The following RNF182 variants were observed in gnomAD, a reference collection of about 807,000 sequenced individuals.
The protein encoded by RNF182 is E3 ubiquitin-protein ligase RNF182.
In RNF182, 15 loss-of-function variants were observed where a neutral mutation model predicts 14.4. The observed-to-expected ratio is 1.04, with a 90% CI of 0.70 to 1.60. The LOEUF is 1.60. RNF182 is among the 40% of genes most tolerant of loss of function. The pLI is 0.00. For synonymous variants in RNF182, 128 were observed against 122.9 expected, an observed-to-expected ratio of 1.04 and a Z score of -0.27; for missense variants, 268 against 294.8, an observed-to-expected ratio of 0.91 and a Z score of 0.67.
intron 1 of RNF182, among the ~76,000 whole-genome samples, chr6:13,952,121 A>AAAGGG (rs1250451529): frequency 5.9e-5 from 9 of 152,208 alleles, no homozygotes; most frequent in African/African-American, 2.2e-4. Flanking sequence ...GAGAGAGAGG[A>AAAGGG]AAGGGAAGGG....
Position 13,950,498 on chromosome 6 carries a change from C to CTTTTTTTTTTTTT in RNF182, c.-366-23705_-366-23693dup. Among the ~76,000 whole-genome samples, 2 of 121,934 alleles carry CTTTTTTTTTTTTT rather than the reference C, an allele frequency of 1.6e-5. 1 individual carries two copies. The highest frequency in any genetic ancestry group is 3.3e-5 in the Non-Finnish European group (2 of 61,366). 80.0% of individuals were successfully genotyped at this position (121,934 alleles called of 152,430 possible). On this transcript the variant is annotated intron_variant, in intron 1 of 2. Coordinates refer to ENST00000488300, the MANE Select transcript of RNF182 (RefSeq NM_152737.4). ...TTTTATTTTTCTGACAAAACAGGTA[C>CTTTTTTTTTTTTT]TTTTTTTTTTTTTTTTTTTGACAGA... is the stretch of plus-strand genomic sequence containing the variant.
intron 1 of RNF182, among the ~76,000 whole-genome samples, chr6:13,931,382 C>T (rs562336537): frequency 6.6e-6 from 1 of 152,268 alleles, no homozygotes; most frequent in East Asian, 1.9e-4. Context: ...GTCAGAGCAA[C>T]ATGCTTTTTG....
chr6:13,953,670 T>C (rs898936991), intron 1 of RNF182, among the ~76,000 whole-genome samples: 2 of 152,158 alleles, frequency 1.3e-5, no homozygotes, highest in Non-Finnish European at 2.9e-5. Flanking sequence ...AGATTAGCCA[T>C]GCTGTTAAAG....
intron 1 of RNF182, among the ~76,000 whole-genome samples, chr6:13,951,135 A>C (rs867834166): frequency 2.0e-5 from 3 of 152,188 alleles, no homozygotes; most frequent in Non-Finnish European, 2.9e-5. Context: ...GAGCTCTTTC[A>C]TATGTAAACA....
In RNF182 at chr6:13,963,307, A is replaced by G. The variant is rs148498645; in HGVS notation, c.-366-10903A>G. On this transcript the variant is annotated intron_variant, in intron 1 of 2. Transcript: ENST00000488300. Reference sequence around the variant, plus strand: ...TTCTAGGTAGGCATGATACTCATTGATAAATGAGGGAAATAATTTCTTTGG... The same window carrying G: ...TTCTAGGTAGGCATGATACTCATTGGTAAATGAGGGAAATAATTTCTTTGG... Among the ~76,000 whole-genome samples the G allele has an allele frequency of 1.9e-3, 284 of 152,344 alleles. 3 individuals are homozygous for G. The East Asian group carries it at 0.039, about 21-fold the overall frequency.
chr6:13,952,569 G>A (rs757788418), intron 1 of RNF182, among the ~76,000 whole-genome samples: 27 of 152,128 alleles, frequency 1.8e-4, no homozygotes, highest in Non-Finnish European at 2.8e-4. Flanking sequence ...ATCCAAAGTC[G>A]GCCAATTGGT....
chr6:13,936,343 T>G (rs979251422), intron 1 of RNF182, among the ~76,000 whole-genome samples: 23 of 152,248 alleles, frequency 1.5e-4, no homozygotes, highest in Non-Finnish European at 2.9e-4. Flanking sequence ...CTTAAAGAGC[T>G]TTATGTCAAC....
chr6:13,933,334 A>T lies in RNF182; in HGVS notation c.-367+8311A>T, dbSNP rs561409389. Among the ~76,000 whole-genome samples the T allele has an allele frequency of 2.6e-5, 4 of 152,128 alleles. No individual in the cohort carries two copies. The South Asian group carries it at 8.3e-4, about 31-fold the overall frequency. ...AGTTCAAGACCAGCTTGGGCAACAT[A>T]GTGAGATCCCACCTCTACAAAAAAT... On this transcript the variant is annotated intron_variant, in intron 1 of 2. Transcript: ENST00000488300.
intron 1 of RNF182, among the ~76,000 whole-genome samples, chr6:13,951,328 G>C (rs879882557): frequency 6.6e-6 from 1 of 152,184 alleles, no homozygotes; most frequent in South Asian, 2.1e-4. Context: ...TGGTTGGAAG[G>C]CAAAACAGAT....
chr6:13,971,555 AACAG>A (rs1486544729), intron 1 of RNF182, among the ~76,000 whole-genome samples: 3 of 152,206 alleles, frequency 2.0e-5, no homozygotes, highest in African/African-American at 7.2e-5. Flanking sequence ...GGAACTGGGT[AACAG>A]ACAGAGGTTG....
At position 13,972,775 on chromosome 6, in the gene RNF182, C is replaced by T. The variant is rs552038772; in HGVS notation, c.-366-1435C>T. On this transcript the variant is annotated intron_variant, in intron 1 of 2. Transcript: ENST00000488300. ...CAGAGGATGTATGGAAATGCCTGGA[C>T]GTCCAGGCAGAAGTTTGCTGCAGGG... is the stretch of plus-strand genomic sequence containing the variant. 5.3e-5 allele frequency among the ~76,000 whole-genome samples: 8 copies of T among 152,258 alleles called. No individual in the cohort carries two copies. In the South Asian group the frequency reaches 1.5e-3, roughly 28 times the overall value.
intron 1 of RNF182, among the ~76,000 whole-genome samples, chr6:13,948,518 T>C (rs1369992181): frequency 1.3e-5 from 2 of 152,178 alleles, no homozygotes; most frequent in African/African-American, 4.8e-5. Flanking sequence ...TCAGATGCCA[T>C]TTTGTATTTG....
chr6:13,950,498 C>T (rs1189289479), intron 1 of RNF182, among the ~76,000 whole-genome samples: 18 of 121,914 alleles, frequency 1.5e-4, no homozygotes, highest in South Asian at 2.6e-4. Context: ...AAAACAGGTA[C>T]TTTTTTTTTT....
chr6:13,947,117 G>A (rs146724551), intron 1 of RNF182, among the ~76,000 whole-genome samples: 149 of 152,238 alleles, frequency 9.8e-4, no homozygotes, highest in Middle Eastern at 3.4e-3. Flanking sequence ...ATATGGGGTC[G>A]CTAGCTGATT....
At chr6:13,930,131 T>TGCAATG (rs781688423) in intron 1 of RNF182, among the ~76,000 whole-genome samples, 1 of 151,992 alleles carries the variant, frequency 6.6e-6, no homozygotes, top group Non-Finnish European at 1.5e-5. Context: ...ATTTGGAAAA[T>TGCAATG]ATTCCAAAAA....
chr6:13,954,902 C>T (rs1033151065), intron 1 of RNF182, among the ~76,000 whole-genome samples: 2 of 152,138 alleles, frequency 1.3e-5, no homozygotes, highest in Non-Finnish European at 2.9e-5. Context: ...GGTGGAGGGG[C>T]TCTACGCTTC....
chr6:13,957,498 T>C (rs1310108205), intron 1 of RNF182, among the ~76,000 whole-genome samples: 1 of 152,242 alleles, frequency 6.6e-6, no homozygotes, highest in Non-Finnish European at 1.5e-5. Context: ...GGCATTTCAT[T>C]AATTGGATTG....
chr6:13,967,810 C>T (rs961663951), intron 1 of RNF182, among the ~76,000 whole-genome samples: 1 of 152,092 alleles, frequency 6.6e-6, no homozygotes, highest in Non-Finnish European at 1.5e-5. Context: ...TCAAGTGATT[C>T]TCTACCCTCA....
intron 1 of RNF182, among the ~76,000 whole-genome samples, chr6:13,948,086 T>G (rs1279527014): frequency 2.6e-5 from 4 of 152,202 alleles, no homozygotes; most frequent in Admixed American, 6.5e-5. Context: ...AGGCAAAAAG[T>G]CATGAATAGA....
Sources: gnomAD v4.1 joint callset for allele counts (sites outside exome capture counted in the v4.1 genomes callset) on GRCh38, gnomAD v4.1.1 for gene constraint, MANE v1.5 for transcripts, NCBI Gene and HGNC (gene_info 2026-07-23, HGNC 2026-07-21) for gene names.